Variants in GRM3 observed in about 807,000 individuals in gnomAD.
The protein encoded by GRM3 is glutamate metabotropic receptor 3, also known as metabotropic glutamate receptor 3.
In GRM3, 26 loss-of-function variants were observed where a neutral mutation model predicts 70.5. The observed-to-expected ratio is 0.37, with a 90% CI of 0.27 to 0.51. The LOEUF is 0.51. Among genes scored for constraint, GRM3 ranks in the 20% least tolerant of loss-of-function variants. The pLI is 0.93. For missense variants in GRM3, 859 were observed against 1,123.8 expected (o/e 0.76, Z 3.37); for synonymous variants, 443 against 434.9 (o/e 1.02, Z -0.23).
Position 86,759,831 on chromosome 7 carries a change from G to A in GRM3, c.-140-5175G>A, listed in dbSNP as rs547027420. On this transcript the variant is annotated intron_variant, in intron 1 of 5. Transcript: ENST00000361669. ...CATAATAGCTTCCTAAGACTTCTGG[G>A]GAAAAATACCCTTTTTCTCTAGTAA... Among the ~76,000 whole-genome samples, 14 of 152,074 alleles carry A rather than the reference G, an allele frequency of 9.2e-5. No individual in the cohort carries two copies. In the South Asian group the frequency reaches 2.9e-3, roughly 32 times the overall value.
intron 1 of GRM3, among the ~76,000 whole-genome samples, chr7:86,716,235 TA>T (rs1795310892): frequency 6.6e-6 from 1 of 151,528 alleles, no homozygotes; most frequent in South Asian, 2.1e-4. Context: ...TAAGATGATG[TA>T]AAGAAAAAAA....
intron 3 of GRM3, among the ~76,000 whole-genome samples, chr7:86,817,081 T>C (rs1798032279): frequency 6.6e-6 from 1 of 151,936 alleles, no homozygotes; most frequent in South Asian, 2.1e-4. Flanking sequence ...TCTTGTTATT[T>C]TCTCCGATTT....
Position 86,765,319 on chromosome 7 carries a change from G to C in GRM3, c.174G>C (p.Gly58=). 2 of 1,613,894 alleles carry C rather than the reference G, an allele frequency of 1.2e-6. No individual in the cohort carries two copies. The highest frequency in any genetic ancestry group is 1.7e-6 in the Non-Finnish European group (2 of 1,179,892). The change falls in exon 2 of 6, where the codon GGG becomes GGC. Residue 58 remains glycine (G), a synonymous_variant. Coordinates refer to ENST00000361669, the MANE Select transcript of GRM3 (RefSeq NM_000840.3). ...AAGGCACTGGAACTGAAGAATGTGG[G>C]CGAATCAATGAAGACCGAGGGATTC... ...NEKGTGTEEC[G]RINEDRGIQR... is the part of the protein sequence containing the mutation.
intron 1 of GRM3, among the ~76,000 whole-genome samples, chr7:86,665,347 G>A (rs1220037660): frequency 6.6e-6 from 1 of 151,924 alleles, no homozygotes; most frequent in African/African-American, 2.4e-5. Flanking sequence ...GAAAATATAA[G>A]TATAAAAATA....
rs1054668121 is a variant in GRM3 at position 86,772,091 on chromosome 7, A to C, written c.468+6478A>C. 3.3e-5 allele frequency among the ~76,000 whole-genome samples: 5 copies of C among 152,234 alleles called. No homozygotes were observed. In the East Asian group the frequency reaches 9.6e-4, roughly 29 times the overall value. Reference sequence around the variant, plus strand: ...TGTTCATTTGCATATTTATTCTTCCATGAACTATAAGCCACTTGAGTTTAA... The same window carrying C: ...TGTTCATTTGCATATTTATTCTTCCCTGAACTATAAGCCACTTGAGTTTAA... On this transcript the variant is annotated intron_variant, in intron 2 of 5. Coordinates refer to ENST00000361669, the MANE Select transcript of GRM3 (RefSeq NM_000840.3).
At chr7:86,796,533 CT>C (rs1797555088) in intron 3 of GRM3, among the ~76,000 whole-genome samples, 1 of 152,080 alleles carries the variant, frequency 6.6e-6, no homozygotes, top group Admixed American at 6.6e-5. Flanking sequence ...TTAGGACTCT[CT>C]TGGCTATATG....
chr7:86,719,033 T>C (rs1441879843), intron 1 of GRM3, among the ~76,000 whole-genome samples: 1 of 151,932 alleles, frequency 6.6e-6, no homozygotes, highest in Non-Finnish European at 1.5e-5. Flanking sequence ...ATACCTTTAA[T>C]AAACAAGGCT....
intron 3 of GRM3, among the ~76,000 whole-genome samples, chr7:86,818,288 A>T (rs1308454793): frequency 6.6e-6 from 1 of 152,118 alleles, no homozygotes; most frequent in Non-Finnish European, 1.5e-5. Flanking sequence ...TCAACATGTG[A>T]TAATGACTAT....
At chr7:86,777,867 G>C (rs780843582) in intron 2 of GRM3, among the ~76,000 whole-genome samples, 19 of 152,096 alleles carry the variant, frequency 1.2e-4, no homozygotes, top group Non-Finnish European at 2.1e-4. Flanking sequence ...AATGTAACTT[G>C]AACAAGCTGA....
At chr7:86,709,188 C>A (rs551234323) in intron 1 of GRM3, among the ~76,000 whole-genome samples, 1 of 152,040 alleles carries the variant, frequency 6.6e-6, no homozygotes, top group South Asian at 2.1e-4. Context: ...AGTTTTTAAG[C>A]CCAATTGTAT....
intron 4 of GRM3, among the ~76,000 whole-genome samples, chr7:86,849,432 T>TA (rs200285990): frequency 0.011 from 1,717 of 149,312 alleles, 21 homozygotes; most frequent in African/African-American, 0.041. Flanking sequence ...TGAATTTTTT[T>TA]TAAAAATCAA....
chr7:86,690,952 A>G (rs1346194075), intron 1 of GRM3, among the ~76,000 whole-genome samples: 1 of 152,154 alleles, frequency 6.6e-6, no homozygotes, highest in Non-Finnish European at 1.5e-5. Context: ...CATCTTTACC[A>G]TAAGGAAATT....
At chr7:86,676,902 T>G (rs1246232929) in intron 1 of GRM3, among the ~76,000 whole-genome samples, 2 of 152,004 alleles carry the variant, frequency 1.3e-5, no homozygotes, top group Non-Finnish European at 2.9e-5. Flanking sequence ...ATTAGAGGAT[T>G]GAATATAGTC....
rs750551407 is a variant in GRM3, at chr7:86,864,250, CTT to C, written c.2567-30_2567-29del. ...TTACCTTTGTGTCCCACTTGACTAA[CTT>C]TGAGTTTTCTGTCCCACTTTGTTTT... On this transcript the variant is annotated intron_variant, in intron 5 of 5. Transcript: ENST00000361669. 65 of 1,110,650 alleles carry C rather than the reference CTT, an allele frequency of 5.9e-5. No individual in the cohort carries two copies. In the East Asian group the frequency reaches 1.5e-3, roughly 26 times the overall value. The allele number at this position is 1,110,650 out of a possible 1,614,324, so 68.8% of individuals were successfully genotyped here. A position where few individuals can be genotyped will look rare whatever the true frequency, so the allele number is the denominator to read the frequency against.
At chr7:86,767,788 C>G (rs777282873) in intron 2 of GRM3, among the ~76,000 whole-genome samples, 1 of 151,878 alleles carries the variant, frequency 6.6e-6, no homozygotes, top group African/African-American at 2.4e-5. Flanking sequence ...AATTGAGAAA[C>G]TGTGCCCTGC....
At chr7:86,661,172 C>A (rs1299412051) in intron 1 of GRM3, among the ~76,000 whole-genome samples, 1 of 151,946 alleles carries the variant, frequency 6.6e-6, no homozygotes, top group Non-Finnish European at 1.5e-5. Context: ...GCCTAAGAAT[C>A]ACCCCGAACA....
chr7:86,831,679 A>G (rs771029573), intron 3 of GRM3, among the ~76,000 whole-genome samples: 8 of 151,992 alleles, frequency 5.3e-5, no homozygotes, highest in Non-Finnish European at 1.0e-4. Context: ...TGACAATTTC[A>G]ACAATAATAC....
intron 1 of GRM3, among the ~76,000 whole-genome samples, chr7:86,679,008 T>C (rs1183527434): frequency 1.3e-5 from 2 of 152,064 alleles, no homozygotes; most frequent in African/African-American, 2.4e-5. Flanking sequence ...ATGGTCAAGA[T>C]AGACTGTGTA....
In GRM3 at chr7:86,786,076, T is replaced by C; in HGVS notation, c.469-185T>C. 1 of 642,898 alleles carries C rather than the reference T, an allele frequency of 1.6e-6. No homozygotes were observed. The allele number at this position is 642,898 out of a possible 1,614,324, so 39.8% of individuals were successfully genotyped here. On this transcript the variant is annotated intron_variant, in intron 2 of 5. Transcript: ENST00000361669. This position sits in a 1 kb window ranked among gnomAD's most constrained non-coding sequence, Gnocchi z 6.0. ...CACTACCTGTGTGAGACCTGCTTCC[T>C]AGTGTCCAAAATACAGTATCCAAGG...
Sources: allele counts gnomAD v4.1 joint callset (sites outside exome capture counted in the v4.1 genomes callset), GRCh38; gene constraint gnomAD v4.1.1; non-coding constraint Gnocchi (gnomAD v3.1); transcripts MANE v1.5; gene names NCBI Gene and HGNC (gene_info 2026-07-23, HGNC 2026-07-21).